The following GPC5 variants were observed in gnomAD, a reference collection of about 807,000 sequenced individuals.
GPC5 encodes the protein glypican-5.
A neutral mutation model predicts 53.9 loss-of-function variants in GPC5; 47 were observed. The observed-to-expected ratio is 0.87, with a 90% confidence interval of 0.69 to 1.11. The LOEUF is 1.11. Among genes scored for constraint, GPC5 ranks in the 50% most tolerant of loss-of-function variants. The probability of loss-of-function intolerance (pLI) is 0.00; values close to 1 mark genes in which losing one functional copy is unlikely to be tolerated. For synonymous variants in GPC5, 286 were observed against 263.3 expected (o/e 1.09, Z -0.84); for missense variants, 748 against 713.1 (o/e 1.05, Z -0.56).
At chr13:92,737,784 G>C (rs527470768) in intron 7 of GPC5, among the ~76,000 whole-genome samples, 98 of 7,544 alleles carry the variant, frequency 0.013, 2 homozygotes, top group African/African-American at 0.046. Context: ...TTTTTTTTTT[G>C]AGAGGGAGTT....
At chr13:92,505,448 A>T (rs183306112) in intron 7 of GPC5, among the ~76,000 whole-genome samples, 9 of 152,066 alleles carry the variant, frequency 5.9e-5, no homozygotes, top group African/African-American at 1.9e-4. Flanking sequence ...ACTAAAAAAA[A>T]GTATTAACAA....
chr13:91,774,849 C>A (rs968825092), intron 5 of GPC5, among the ~76,000 whole-genome samples: 1 of 152,130 alleles, frequency 6.6e-6, no homozygotes, highest in Non-Finnish European at 1.5e-5. Flanking sequence ...CGCCTTTTTG[C>A]GTAACTTTTA....
chr13:92,433,760 G>T (rs2209839), intron 7 of GPC5, among the ~76,000 whole-genome samples: 4 of 151,916 alleles, frequency 2.6e-5, no homozygotes, highest in Admixed American at 2.6e-4. Context: ...GCCTGTTGCC[G>T]TGTGTTGAGA....
At chr13:92,296,209 G>T (rs9589487) in intron 7 of GPC5, among the ~76,000 whole-genome samples, 27,853 of 152,018 alleles carry the variant, frequency 0.18, 2,694 homozygotes, top group Middle Eastern at 0.34. Flanking sequence ...TCTTAGCTTT[G>T]GTGGTTTAAT....
chr13:92,423,559 C>T (rs537739726), intron 7 of GPC5, among the ~76,000 whole-genome samples: 9 of 152,272 alleles, frequency 5.9e-5, no homozygotes, highest in South Asian at 4.1e-4. Flanking sequence ...GTGAAGATGT[C>T]TCCACCAAAG....
chr13:91,536,262 G>T (rs974113283), intron 2 of GPC5, among the ~76,000 whole-genome samples: 1 of 152,122 alleles, frequency 6.6e-6, no homozygotes, highest in Non-Finnish European at 1.5e-5. Flanking sequence ...TGAACCAGTG[G>T]TTTTCAGCAA....
chr13:92,166,561 C>A (rs1317540092), intron 7 of GPC5, among the ~76,000 whole-genome samples: 1 of 151,922 alleles, frequency 6.6e-6, no homozygotes, highest in Non-Finnish European at 1.5e-5. Context: ...GTTTCATTAG[C>A]CCTAATCTGC....
intron 5 of GPC5, among the ~76,000 whole-genome samples, chr13:91,886,227 A>G (rs1182920309): frequency 6.6e-6 from 1 of 152,186 alleles, no homozygotes; most frequent in Non-Finnish European, 1.5e-5. Flanking sequence ...CAGCATGTGC[A>G]GGGGAACTCC....
chr13:92,295,524 TTGA>T (rs1401799720), intron 7 of GPC5, among the ~76,000 whole-genome samples: 1 of 152,216 alleles, frequency 6.6e-6, no homozygotes, highest in Non-Finnish European at 1.5e-5. Flanking sequence ...ACTTTCTGTC[TTGA>T]TGACCTGTCT....
At chr13:91,539,872 A>G (rs1273187549) in intron 2 of GPC5, among the ~76,000 whole-genome samples, 1 of 149,744 alleles carries the variant, frequency 6.7e-6, no homozygotes, top group Non-Finnish European at 1.5e-5. Context: ...ACATAATAGG[A>G]AAAAAAAAAC....
chr13:92,615,129 A>G (rs143735655), intron 7 of GPC5, among the ~76,000 whole-genome samples: 85 of 152,344 alleles, frequency 5.6e-4, no homozygotes, highest in Non-Finnish European at 9.7e-4. Context: ...CATAATTGAA[A>G]TGACTTTTCA....
At chr13:91,944,012 C>G (rs1294291648) in intron 6 of GPC5, among the ~76,000 whole-genome samples, 1 of 151,848 alleles carries the variant, frequency 6.6e-6, no homozygotes, top group African/African-American at 2.4e-5. Context: ...AAATTAGACT[C>G]TATGCTATTT....
chr13:92,128,521 T>C (rs1478079799), intron 6 of GPC5, among the ~76,000 whole-genome samples: 2 of 152,232 alleles, frequency 1.3e-5, no homozygotes, highest in Admixed American at 6.5e-5. Context: ...CTCAATAACA[T>C]ATCTTAATAA....
intron 7 of GPC5, among the ~76,000 whole-genome samples, chr13:92,205,782 C>T (rs2042329482): frequency 6.6e-6 from 1 of 152,108 alleles, no homozygotes; most frequent in Non-Finnish European, 1.5e-5. Context: ...CGCGGTGGCT[C>T]ACGCCTGTAA....
chr13:91,707,611 G>T (rs111421472), intron 3 of GPC5, among the ~76,000 whole-genome samples: 1,534 of 152,110 alleles, frequency 0.01, 26 homozygotes, highest in African/African-American at 0.034. Flanking sequence ...ACAGAGCAAG[G>T]CCCTGTCTCA....
At chr13:92,191,917 G>A (rs963347178) in intron 7 of GPC5, among the ~76,000 whole-genome samples, 7 of 152,144 alleles carry the variant, frequency 4.6e-5, no homozygotes, top group African/African-American at 9.7e-5. Flanking sequence ...ACACAACCCC[G>A]TTGTAAGTCA....
chr13:92,677,160 C>T (rs1292826200), intron 7 of GPC5, among the ~76,000 whole-genome samples: 2 of 152,156 alleles, frequency 1.3e-5, no homozygotes, highest in African/African-American at 4.8e-5. Flanking sequence ...TCTAATTTTA[C>T]AATTTTTTCT....
At chr13:91,528,851 C>T (rs1311460910) in intron 2 of GPC5, among the ~76,000 whole-genome samples, 1 of 152,128 alleles carries the variant, frequency 6.6e-6, no homozygotes, top group African/African-American at 2.4e-5. Flanking sequence ...AAAGAGAGCA[C>T]AGGAGCAACT....
chr13:92,405,559 T>C (rs2139342191), intron 7 of GPC5, among the ~76,000 whole-genome samples: 1 of 152,348 alleles, frequency 6.6e-6, no homozygotes, highest in Non-Finnish European at 1.5e-5. Flanking sequence ...ACATTGAGTC[T>C]GCAAAGTCAG....
Sources: allele counts gnomAD v4.1 joint callset (sites outside exome capture counted in the v4.1 genomes callset), GRCh38; gene constraint gnomAD v4.1.1; transcripts MANE v1.5; gene names NCBI Gene and HGNC (gene_info 2026-07-23, HGNC 2026-07-21).